Variants in CACNA1S observed in about 807,000 individuals in gnomAD.
CACNA1S encodes calcium voltage-gated channel subunit alpha1 S.
A neutral mutation model predicts 207.4 loss-of-function variants in CACNA1S; 126 were observed. The observed-to-expected ratio is 0.61, with a 90% CI of 0.53 to 0.70. The LOEUF (loss-of-function observed/expected upper bound fraction) is 0.70. CACNA1S is among the 30% of genes least tolerant of loss of function. The pLI, the probability that CACNA1S is intolerant of heterozygous loss-of-function variation, is 0.00. For synonymous variants in CACNA1S, 960 were observed against 932.7 expected (o/e 1.03, Z -0.53); for missense variants, 2,349 against 2,422.8 (o/e 0.97, Z 0.64).
chr1:201,098,192 G>A (rs1662507464), intron 2 of CACNA1S, among the ~76,000 whole-genome samples: 1 of 152,230 alleles, frequency 6.6e-6, no homozygotes, highest in Non-Finnish European at 1.5e-5. Context: ...CTAGAACAGT[G>A]CCTGAAAGTC....
In CACNA1S at chr1:201,069,532, C is replaced by T; in HGVS notation, c.2430G>A (p.Leu810=). 1.3e-6 allele frequency: 2 copies of T among 1,588,606 alleles called. No individual in the cohort carries two copies. The highest frequency in any genetic ancestry group is 2.3e-5 in the South Asian group (2 of 86,598). ...CCGCAGCCAGTGCAGCGCTGCTGAG[C>T]AGGATGAAGAGCAGGATGAAGTTGG... ...WFTNFILLFI[L]LSSAALAAED... Residue 810 remains leucine (L), a synonymous_variant, in exon 18 of 44, where the codon CTG becomes CTA. Coordinates refer to ENST00000362061, the MANE Select transcript of CACNA1S (RefSeq NM_000069.3).
chr1:201,068,303 C>T (rs1387954714), intron 19 of CACNA1S, among the ~76,000 whole-genome samples: 22 of 121,388 alleles, frequency 1.8e-4, no homozygotes, highest in Admixed American at 1.7e-3. Flanking sequence ...AGTGCAGTGG[C>T]ATGATCTCAG....
intron 15 of CACNA1S, 141 bp downstream of exon 15, chr1:201,073,408 C>T (rs561000214): frequency 1.4e-5 from 11 of 776,854 alleles, no homozygotes; most frequent in South Asian, 4.1e-5. Context: ...TCCCTCCAGT[C>T]GTACGCAGGG....
rs1660709708 is a variant in CACNA1S at position 201,053,054 on chromosome 1, A to G, written c.3861+155T>C. On this transcript the variant is annotated intron_variant, in intron 31 of 43. Coordinates refer to ENST00000362061, the MANE Select transcript of CACNA1S (RefSeq NM_000069.3). This position sits in a 1 kb window ranked among gnomAD's most constrained non-coding sequence, Gnocchi z 5.1. ...CAAGCATCTGACACTCCAGCCATCC[A>G]CGATCAGGGAGGTTGTCCCTCCTTC... is the stretch of plus-strand genomic sequence containing the variant. Among the ~76,000 whole-genome samples, 2 of 152,090 alleles carry G rather than the reference A, an allele frequency of 1.3e-5. No homozygotes were observed. Among genetic ancestry groups the G allele is most frequent in the Non-Finnish European group, 2.9e-5 (2 of 68,020 alleles).
chr1:201,076,402 AC>A (rs1444307933), intron 12 of CACNA1S, among the ~76,000 whole-genome samples: 10 of 152,236 alleles, frequency 6.6e-5, no homozygotes, highest in Non-Finnish European at 7.3e-5. Flanking sequence ...TTCCACGTCT[AC>A]ACTAAGAAAA....
chr1:201,050,290 G>T lies in CACNA1S; in HGVS notation c.4241+99C>A, dbSNP rs1047322914. 5 of 1,271,446 alleles carry T rather than the reference G, an allele frequency of 3.9e-6. No individual in the cohort carries two copies. The African/African-American group carries it at 5.9e-5, about 15-fold the overall frequency. 78.8% of individuals were successfully genotyped at this position (1,271,446 alleles called of 1,614,324 possible). On this transcript the variant is annotated intron_variant, in intron 34 of 43. Coordinates refer to ENST00000362061, the MANE Select transcript of CACNA1S (RefSeq NM_000069.3). ...CAGATAAATGAAGGGGGAAGGAGAAGCCCACTCATACTGAATAAACTGGAG... is the reference window on the plus strand; with the variant it reads ...CAGATAAATGAAGGGGGAAGGAGAATCCCACTCATACTGAATAAACTGGAG...
chr1:201,088,378 C>T (rs1237553030), intron 6 of CACNA1S, among the ~76,000 whole-genome samples: 1 of 152,238 alleles, frequency 6.6e-6, no homozygotes, highest in African/African-American at 2.4e-5. Context: ...TCTCTCCTCA[C>T]AGGCTTGATA....
In CACNA1S at chr1:201,047,423, G is replaced by C. The variant is rs555075860; in HGVS notation, c.4543+102C>G. 1.1e-3 allele frequency: 1,328 copies of C among 1,254,866 alleles called. 1 individual carries two copies. Among genetic ancestry groups the C allele is most frequent in the Non-Finnish European group, 1.5e-3 (1,272 of 865,828 alleles). 77.7% of individuals were successfully genotyped at this position (1,254,866 alleles called of 1,614,324 possible). A position where few individuals can be genotyped will look rare whatever the true frequency, so the allele number is the denominator to read the frequency against. ...GGGATCTACCTAAGGCATTTATGGA[G>C]GATCTGGTCCGTTCTCAGATTCCCA... On this transcript the variant is annotated intron_variant, in intron 37 of 43. Transcript: ENST00000362061.
In CACNA1S at chr1:201,053,664, G is replaced by A; in HGVS notation, c.3667-77C>T. On this transcript the variant is annotated intron_variant, in intron 29 of 43. Coordinates refer to ENST00000362061, the MANE Select transcript of CACNA1S (RefSeq NM_000069.3). The surrounding 1 kb of genome is among the most constrained non-coding windows in gnomAD (Gnocchi z 5.1). ...TAAGGGGCAGGGCGGGGAGGGAGGT[G>A]CACTGTGTGTTTTGGGGAGATGTTT... 4.1e-6 allele frequency: 6 copies of A among 1,460,136 alleles called. No individual in the cohort carries two copies. In the South Asian group the frequency reaches 5.8e-5, roughly 14 times the overall value. The allele number at this position is 1,460,136 out of a possible 1,614,324, so 90.4% of individuals were successfully genotyped here. A position where few individuals can be genotyped will look rare whatever the true frequency, so the allele number is the denominator to read the frequency against.
Position 201,062,033 on chromosome 1 carries a change from G to A in CACNA1S, c.2964C>T (p.Arg988=), listed in dbSNP as rs778128095. ...AGTGGAAGTCGCTGTGTACCCACTC[G>A]CGGTGACGCAGCTCTATCTGCATGG... ...GDPMQIELRH[R]EWVHSDFHFD... is the part of the protein sequence containing the mutation. The change falls in exon 24 of 44, where the codon CGC becomes CGT. Residue 988 remains arginine, a synonymous_variant. Coordinates refer to ENST00000362061, the MANE Select transcript of CACNA1S (RefSeq NM_000069.3). The A allele has an allele frequency of 2.1e-5, 34 of 1,614,050 alleles. No homozygotes were observed. The highest frequency in any genetic ancestry group is 4.5e-5 in the East Asian group (2 of 44,902).
intron 12 of CACNA1S, among the ~76,000 whole-genome samples, chr1:201,076,069 AAAAAC>A (rs1661604054): frequency 6.6e-6 from 1 of 152,178 alleles, no homozygotes; most frequent in East Asian, 1.9e-4. Flanking sequence ...CTCCATCTCG[AAAAAC>A]AAAACAAAAC....
intron 42 of CACNA1S, 108 bp downstream of exon 42, chr1:201,040,514 G>A: frequency 7.1e-7 from 1 of 1,402,328 alleles, no homozygotes; most frequent in South Asian, 1.2e-5. Context: ...CTTCTGTACT[G>A]TTGGACACAT....
At chr1:201,091,867 C>T (rs1662245847) in intron 4 of CACNA1S, 75 bp from the exon 5 acceptor site, 1 of 1,595,574 alleles carries the variant, frequency 6.3e-7, no homozygotes, top group African/African-American at 1.3e-5. Context: ...CCTATAAATC[C>T]TGGGAAGCCC....
intron 28 of CACNA1S, among the ~76,000 whole-genome samples, chr1:201,057,694 G>T (rs1465628787): frequency 2.0e-5 from 3 of 152,154 alleles, no homozygotes; most frequent in Non-Finnish European, 4.4e-5. Flanking sequence ...CAGCGCGGTG[G>T]CTCACACCTG....
rs1660633497 is a variant in CACNA1S, at chr1:201,051,102, C to T, written c.3995G>A (p.Cys1332Tyr). Residue 1332 changes from cysteine (C) to tyrosine (Y), a missense_variant, in exon 33 of 44, where the codon TGC (cysteine) becomes TAC (tyrosine). Physicochemically the swap from Cys to Tyr is radical, Grantham distance 194. Coordinates refer to ENST00000362061, the MANE Select transcript of CACNA1S (RefSeq NM_000069.3). ...TGGGTCACACAGCTTCCCATAGCTGCAGGCCAGTAGGATCTCCTGCCAGGC... is the reference window on the plus strand; with the variant it reads ...TGGGTCACACAGCTTCCCATAGCTGTAGGCCAGTAGGATCTCCTGCCAGGC... ...GEAWQEILLA[C>Y]SYGKLCDPES... The T allele has an allele frequency of 6.2e-7, 1 of 1,614,128 alleles. No homozygotes were observed. Among genetic ancestry groups the T allele is most frequent in the African/African-American group, 1.3e-5 (1 of 74,946 alleles).
intron 2 of CACNA1S, among the ~76,000 whole-genome samples, chr1:201,105,812 A>G (rs1191763135): frequency 6.6e-6 from 1 of 152,160 alleles, no homozygotes; most frequent in Non-Finnish European, 1.5e-5. Context: ...CAGAAGGGAT[A>G]TGGAGGGACA....
intron 5 of CACNA1S, among the ~76,000 whole-genome samples, chr1:201,089,688 C>T (rs1464933326): frequency 6.6e-6 from 1 of 152,208 alleles, no homozygotes; most frequent in African/African-American, 2.4e-5. Context: ...GGCCCCTGGG[C>T]CTCATGGCAG....
chr1:201,085,401 G>A, intron 8 of CACNA1S, 35 bp downstream of exon 8: 3 of 1,613,644 alleles, frequency 1.9e-6, no homozygotes. Context: ...GTGAGAGAGT[G>A]GGGTGAGTGC....
At chr1:201,047,454 C>A in intron 37 of CACNA1S, 71 bp downstream of exon 37, 1 of 1,374,014 alleles carries the variant, frequency 7.3e-7, no homozygotes, top group Non-Finnish European at 1.0e-6. Flanking sequence ...TCCCATGGGG[C>A]TCCTTGGAGA....
Sources: allele counts gnomAD v4.1 joint callset (sites outside exome capture counted in the v4.1 genomes callset), GRCh38; gene constraint gnomAD v4.1.1; non-coding constraint Gnocchi (gnomAD v3.1); transcripts MANE v1.5; gene names NCBI Gene and HGNC (gene_info 2026-07-23, HGNC 2026-07-21).